Variants in SCARA5 observed in about 807,000 individuals in gnomAD.
SCARA5 encodes scavenger receptor class A, member 5 (putative).
In SCARA5, 45 loss-of-function variants were observed where a neutral mutation model predicts 46.3. The observed-to-expected ratio is 0.97, with a 90% CI of 0.76 to 1.24. The LOEUF is 1.24. Among genes scored for constraint, SCARA5 ranks in the 50% most tolerant of loss-of-function variants. SCARA5 has a pLI of 0.00. For missense variants in SCARA5, 680 were observed against 689.0 expected, an observed-to-expected ratio of 0.99 and a Z score of 0.15; for synonymous variants, 333 against 306.5, an observed-to-expected ratio of 1.09 and a Z score of -0.90.
At chr8:27,973,642 A>T (rs1261030259) in intron 2 of SCARA5, among the ~76,000 whole-genome samples, 1 of 152,204 alleles carries the variant, frequency 6.6e-6, no homozygotes, top group Non-Finnish European at 1.5e-5. Context: ...GGAGCTTCTT[A>T]GTCATACCAA....
At chr8:27,901,788 G>GA (rs1807158605) in intron 7 of SCARA5, among the ~76,000 whole-genome samples, 1 of 152,192 alleles carries the variant, frequency 6.6e-6, no homozygotes, top group Non-Finnish European at 1.5e-5. Flanking sequence ...TGAAAGAGGG[G>GA]ATTACTTGGG....
chr8:27,955,042 C>T (rs1215161757), intron 3 of SCARA5, among the ~76,000 whole-genome samples: 1 of 152,198 alleles, frequency 6.6e-6, no homozygotes, highest in Non-Finnish European at 1.5e-5. Flanking sequence ...GTAGGATCCA[C>T]CACTTCCCAC....
At chr8:27,988,925 G>T (rs1808744063) in intron 1 of SCARA5, among the ~76,000 whole-genome samples, 1 of 152,068 alleles carries the variant, frequency 6.6e-6, no homozygotes. Context: ...ATGCAGGGCT[G>T]GCAGGTGGCA....
chr8:27,909,065 T>A (rs1807321611), intron 5 of SCARA5: 1 of 151,938 alleles, frequency 6.6e-6, no homozygotes, highest in Non-Finnish European at 1.5e-5. Flanking sequence ...CAAGGTACAA[T>A]GAAGGAACTC....
At chr8:27,877,698 C>T (rs542185773) in intron 8 of SCARA5, among the ~76,000 whole-genome samples, 1 of 152,204 alleles carries the variant, frequency 6.6e-6, no homozygotes, top group Admixed American at 6.5e-5. Context: ...TGGAATCCAG[C>T]CCCAAGCCTT....
At chr8:27,964,567 C>T (rs923904787) in intron 3 of SCARA5, among the ~76,000 whole-genome samples, 6 of 152,160 alleles carry the variant, frequency 3.9e-5, no homozygotes, top group African/African-American at 1.4e-4. Flanking sequence ...CTGGACGGCA[C>T]TACTTGTTAG....
intron 7 of SCARA5, among the ~76,000 whole-genome samples, chr8:27,887,090 G>A (rs2129692940): frequency 6.6e-6 from 1 of 152,304 alleles, no homozygotes; most frequent in African/African-American, 2.4e-5. Flanking sequence ...GCTCCAGGTA[G>A]AGGGCAAAGG....
At chr8:27,960,555 T>C (rs182160164) in intron 3 of SCARA5, among the ~76,000 whole-genome samples, 2 of 152,250 alleles carry the variant, frequency 1.3e-5, no homozygotes, top group Admixed American at 1.3e-4. Flanking sequence ...AACAGCCCCA[T>C]GGGGTAGGCA....
At chr8:27,901,624 A>G (rs947662302) in intron 7 of SCARA5, among the ~76,000 whole-genome samples, 1 of 152,150 alleles carries the variant, frequency 6.6e-6, no homozygotes, top group Non-Finnish European at 1.5e-5. Flanking sequence ...AGGAGGCTGA[A>G]TACAGCTTGA....
intron 5 of SCARA5, among the ~76,000 whole-genome samples, chr8:27,907,729 C>T (rs781378374): frequency 3.9e-5 from 6 of 152,004 alleles, no homozygotes; most frequent in Non-Finnish European, 8.8e-5. Context: ...GCCGCCACGC[C>T]CAGCTAATAT....
intron 7 of SCARA5, among the ~76,000 whole-genome samples, chr8:27,893,544 G>C (rs78658427): frequency 6.6e-6 from 1 of 152,110 alleles, no homozygotes; most frequent in Non-Finnish European, 1.5e-5. Context: ...AAGGGGTCTC[G>C]GACATTGGCC....
intron 7 of SCARA5, among the ~76,000 whole-genome samples, chr8:27,883,295 G>A (rs1434156086): frequency 6.6e-6 from 1 of 152,220 alleles, no homozygotes; most frequent in African/African-American, 2.4e-5. Flanking sequence ...CCAGGGTTTG[G>A]CTGGGAAGTC....
chr8:27,953,961 A>G (rs60085635), intron 3 of SCARA5, among the ~76,000 whole-genome samples: 9,480 of 152,232 alleles, frequency 0.062, 406 homozygotes, highest in East Asian at 0.19. Context: ...GAGGGAGGCA[A>G]GGATTCCTGG....
chr8:27,892,118 A>G (rs1806993515), intron 7 of SCARA5, among the ~76,000 whole-genome samples: 1 of 152,238 alleles, frequency 6.6e-6, no homozygotes, highest in Non-Finnish European at 1.5e-5. Context: ...ACACTGGGGA[A>G]TACGGAGAGA....
chr8:27,943,190 T>G (rs1053734172), intron 3 of SCARA5, among the ~76,000 whole-genome samples: 1 of 152,194 alleles, frequency 6.6e-6, no homozygotes, highest in Non-Finnish European at 1.5e-5. Flanking sequence ...CCCCACAAGA[T>G]AGCCCTCTAA....
intron 7 of SCARA5, among the ~76,000 whole-genome samples, chr8:27,894,878 G>T (rs1434360334): frequency 6.6e-6 from 1 of 152,206 alleles, no homozygotes; most frequent in African/African-American, 2.4e-5. Context: ...TCAACAGATG[G>T]TGTGGAATGA....
At chr8:27,880,857 GAAAAAAA>G (rs71222524) in intron 7 of SCARA5, among the ~76,000 whole-genome samples, 22 of 94,820 alleles carry the variant, frequency 2.3e-4, no homozygotes, top group African/African-American at 9.7e-4. Context: ...CCTGTCTAAG[GAAAAAAA>G]AAAAAAAAAA....
chr8:27,883,112 C>G (rs776730729), intron 7 of SCARA5, among the ~76,000 whole-genome samples: 1 of 152,232 alleles, frequency 6.6e-6, no homozygotes, highest in Non-Finnish European at 1.5e-5. Context: ...ACATTGATCT[C>G]TAAACTCAGT....
At chr8:27,899,964 C>G (rs1156783582) in intron 7 of SCARA5, among the ~76,000 whole-genome samples, 1 of 152,058 alleles carries the variant, frequency 6.6e-6, no homozygotes, top group African/African-American at 2.4e-5. Flanking sequence ...ATGGTAAAAA[C>G]CCATTTCTAC....
Sources: allele counts gnomAD v4.1 joint callset (sites outside exome capture counted in the v4.1 genomes callset), GRCh38; gene constraint gnomAD v4.1.1; transcripts MANE v1.5; gene names NCBI Gene and HGNC (gene_info 2026-07-23, HGNC 2026-07-21).